GLIS3: variants seen among roughly 807,000 people sequenced by gnomAD.
GLIS3 encodes the protein zinc finger protein GLIS3.
In GLIS3, 53 loss-of-function variants were observed where a neutral mutation model predicts 78.6. The ratio of observed to expected loss-of-function variants is 0.67; its 90% CI spans 0.54 to 0.85. The LOEUF (loss-of-function observed/expected upper bound fraction) is 0.85, where lower values mean the gene tolerates loss of function less well. Among genes scored for constraint, GLIS3 ranks in the 40% least tolerant of loss-of-function variants. The pLI, the probability that GLIS3 is intolerant of heterozygous loss-of-function variation, is 0.00. For missense variants in GLIS3, 1,703 were observed against 1,231.1 expected, an observed-to-expected ratio of 1.38 and a Z score of -5.74; for synonymous variants, 684 against 509.9, an observed-to-expected ratio of 1.34 and a Z score of -4.60.
chr9:4,430,158 C>T, the GLIS3 span, among the ~76,000 whole-genome samples: 6 of 152,138 alleles, frequency 3.9e-5, no homozygotes, highest in East Asian at 5.8e-4. Flanking sequence ...CCAGCAGGCC[C>T]GGGCTAAGAT....
intron 4 of GLIS3, among the ~76,000 whole-genome samples, chr9:3,973,034 A>C (rs990766157): frequency 2.0e-5 from 3 of 152,162 alleles, no homozygotes; most frequent in African/African-American, 7.2e-5. Flanking sequence ...AGGTGCAATA[A>C]TTCATGAGAA....
chr9:4,340,370 G>C (rs994457690), intron 2 of GLIS3, among the ~76,000 whole-genome samples: 3 of 150,530 alleles, frequency 2.0e-5, no homozygotes, highest in Non-Finnish European at 4.4e-5. Context: ...GAATAGAAGT[G>C]AGGGGGTGGG....
At chr9:4,333,155 G>C (rs1247039156) in intron 2 of GLIS3, among the ~76,000 whole-genome samples, 1 of 151,862 alleles carries the variant, frequency 6.6e-6, no homozygotes, top group Non-Finnish European at 1.5e-5. Flanking sequence ...GCTGAAGCAG[G>C]AGGATTGCTT....
Position 3,828,339 on chromosome 9 carries a change from G to T in GLIS3, c.2726C>A (p.Thr909Asn), listed in dbSNP as rs1185250286. 1 of 1,614,062 alleles carries T rather than the reference G, an allele frequency of 6.2e-7. No individual in the cohort carries two copies. The highest frequency in any genetic ancestry group is 2.2e-5 in the East Asian group (1 of 44,882). Residue 909 changes from threonine (T) to asparagine (N), a missense_variant, in exon 11 of 11, where the codon ACC (threonine) becomes AAC (asparagine). Coordinates refer to ENST00000381971, the MANE Select transcript of GLIS3 (RefSeq NM_001042413.2). Reference sequence around the variant, plus strand: ...GTCCACGGTGCTGATCTGCAAGAAGGTAGCATCTTCAGCCCCGCTGCGGAG... The same window carrying T: ...GTCCACGGTGCTGATCTGCAAGAAGTTAGCATCTTCAGCCCCGCTGCGGAG... ...ESLRSGAEDA[T>N]FLQISTVDRC...
chr9:3,855,924 G>T, intron 9 of GLIS3, 85 bp downstream of exon 9: 1 of 1,452,056 alleles, frequency 6.9e-7, no homozygotes, highest in Non-Finnish European at 9.7e-7. Flanking sequence ...CAGAGCATCT[G>T]AAATCCACGA....
At chr9:3,972,270 C>T (rs1007083334) in intron 4 of GLIS3, among the ~76,000 whole-genome samples, 10 of 152,140 alleles carry the variant, frequency 6.6e-5, no homozygotes, top group African/African-American at 2.2e-4. Flanking sequence ...AGGATGAAAT[C>T]TGTGCATATG....
intron 2 of GLIS3, among the ~76,000 whole-genome samples, chr9:4,146,272 C>T (rs1834217128): frequency 6.6e-6 from 1 of 152,002 alleles, no homozygotes; most frequent in Non-Finnish European, 1.5e-5. Flanking sequence ...TAATAAATAT[C>T]GATTATTTGA....
chr9:4,471,968 A>G, the GLIS3 span, among the ~76,000 whole-genome samples: 2 of 152,244 alleles, frequency 1.3e-5, no homozygotes, highest in African/African-American at 4.8e-5. Flanking sequence ...ACACTTTTCA[A>G]AAGAAGACAT....
At chr9:3,865,168 A>T (rs1406987740) in intron 8 of GLIS3, among the ~76,000 whole-genome samples, 1 of 152,136 alleles carries the variant, frequency 6.6e-6, no homozygotes, top group African/African-American at 2.4e-5. Context: ...GCAACCAAAG[A>T]CTATTTCTCA....
the GLIS3 span, among the ~76,000 whole-genome samples, chr9:4,384,311 C>T: frequency 6.6e-6 from 1 of 151,274 alleles, no homozygotes; most frequent in African/African-American, 2.4e-5. Flanking sequence ...TTAGATAATA[C>T]TGTTCAGTTA....
intron 2 of GLIS3, among the ~76,000 whole-genome samples, chr9:4,235,327 G>A (rs1243331906): frequency 6.6e-6 from 1 of 151,428 alleles, no homozygotes. Flanking sequence ...CTGATGGGGG[G>A]AGTCATTGAG....
At chr9:4,272,190 G>A (rs772017563) in intron 2 of GLIS3, among the ~76,000 whole-genome samples, 50 of 152,188 alleles carry the variant, frequency 3.3e-4, no homozygotes, top group Non-Finnish European at 3.4e-4. Flanking sequence ...AGCAAGTTGC[G>A]AATGGCACTT....
At chr9:4,399,549 T>C in the GLIS3 span, among the ~76,000 whole-genome samples, 2 of 152,370 alleles carry the variant, frequency 1.3e-5, no homozygotes, top group South Asian at 2.1e-4. Context: ...CCCTGTACCA[T>C]GCTGCATTTC....
At position 4,004,022 on chromosome 9, in the gene GLIS3, T is replaced by C. The variant is rs73641247; in HGVS notation, c.1711-66833A>G. ...TTCAGAAGCTGAAATAAACAACCTG[T>C]ATCAACTACTTACTCCATGTCAGGT... On this transcript the variant is annotated intron_variant, in intron 4 of 10. Coordinates refer to ENST00000381971, the MANE Select transcript of GLIS3 (RefSeq NM_001042413.2). Among the ~76,000 whole-genome samples, 1,186 of 152,290 alleles carry C rather than the reference T, an allele frequency of 7.8e-3. 18 individuals are homozygous for C. Among genetic ancestry groups the C allele is most frequent in the African/African-American group, 0.027 (1,114 of 41,560 alleles).
chr9:4,129,713 G>A (rs1477319860), intron 2 of GLIS3, among the ~76,000 whole-genome samples: 1 of 152,112 alleles, frequency 6.6e-6, no homozygotes, highest in Non-Finnish European at 1.5e-5. Context: ...AATTAGCCAG[G>A]CTCGGGTATT....
intron 2 of GLIS3, among the ~76,000 whole-genome samples, chr9:4,152,367 C>A (rs532348583): frequency 6.6e-6 from 1 of 152,272 alleles, no homozygotes; most frequent in East Asian, 1.9e-4. Context: ...AACTCTATAA[C>A]ATCTCAAAGG....
intron 1 of GLIS3, among the ~76,000 whole-genome samples, chr9:4,290,618 T>C (rs913144287): frequency 2.0e-5 from 3 of 152,256 alleles, no homozygotes; most frequent in East Asian, 3.9e-4. Context: ...CAAGGACAGA[T>C]AGAGCTGAAT....
intron 2 of GLIS3, among the ~76,000 whole-genome samples, chr9:4,249,227 C>G (rs1028205181): frequency 3.3e-5 from 5 of 152,180 alleles, no homozygotes; most frequent in Admixed American, 1.3e-4. Context: ...TGGCCATCTT[C>G]AAGATATTGA....
At chr9:4,104,121 A>T (rs1830580169) in intron 4 of GLIS3, among the ~76,000 whole-genome samples, 1 of 152,118 alleles carries the variant, frequency 6.6e-6, no homozygotes, top group African/African-American at 2.4e-5. Context: ...TGTTACCTAG[A>T]AATAGGTGGT....
Sources: gnomAD v4.1 joint callset for allele counts (sites outside exome capture counted in the v4.1 genomes callset) on GRCh38, gnomAD v4.1.1 for gene constraint, MANE v1.5 for transcripts, NCBI Gene and HGNC (gene_info 2026-07-23, HGNC 2026-07-21) for gene names.